Variants in VRK2 observed in about 807,000 individuals in gnomAD.
VRK2 encodes the protein serine/threonine-protein kinase VRK2.
Under a neutral mutation model 57.6 loss-of-function variants are expected in VRK2, and 60 were observed. That is an observed-to-expected ratio of 1.04 (90% CI 0.85 to 1.29). The LOEUF is 1.29. Among genes scored for constraint, VRK2 ranks in the 50% most tolerant of loss-of-function variants. The pLI, the probability that VRK2 is intolerant of heterozygous loss-of-function variation, is 0.00. For missense variants in VRK2, 705 were observed against 588.1 expected (o/e 1.20, Z -2.06); for synonymous variants, 231 against 199.2 (o/e 1.16, Z -1.35).
chr2:58,091,274 G>A (rs1045097480), intron 7 of VRK2, among the ~76,000 whole-genome samples: 2 of 152,112 alleles, frequency 1.3e-5, no homozygotes, highest in Middle Eastern at 3.2e-3. Context: ...CTCTAGTGAG[G>A]GATGTTGATA....
At chr2:58,157,722 A>G (rs185766854) in intron 12 of VRK2, among the ~76,000 whole-genome samples, 1 of 152,352 alleles carries the variant, frequency 6.6e-6, no homozygotes, top group East Asian at 1.9e-4. Flanking sequence ...TACTCGAAGA[A>G]TAATGCCGTA....
rs182338282 is a variant in VRK2, at chr2:57,972,200, G to T, written c.-438-53465G>T. Reference sequence around the variant, plus strand: ...GTTCATTACTATCAAGTTTGGCATTGTTTCTAGGCTTTTCAGTAGATAAAT... The same window carrying T: ...GTTCATTACTATCAAGTTTGGCATTTTTTCTAGGCTTTTCAGTAGATAAAT... On this transcript the variant is annotated intron_variant, in intron 1 of 15. Coordinates refer to the VRK2 transcript ENST00000417641. 2.8e-4 allele frequency among the ~76,000 whole-genome samples: 42 copies of T among 151,564 alleles called. 1 individual carries two copies. The East Asian group carries it at 7.8e-3, about 28-fold the overall frequency.
intron 1 of VRK2, among the ~76,000 whole-genome samples, chr2:58,017,656 G>A (rs1434512936): frequency 6.6e-6 from 1 of 151,968 alleles, no homozygotes; most frequent in Admixed American, 6.6e-5. Flanking sequence ...ATCCTAAAGT[G>A]GAAAGCTCCT....
chr2:58,048,472 A>T, intron 1 of VRK2: 1 of 997,074 alleles, frequency 1.0e-6, no homozygotes, highest in Non-Finnish European at 1.4e-6. Flanking sequence ...ATTTCCATGT[A>T]CATGAAATTT....
intron 1 of VRK2, among the ~76,000 whole-genome samples, chr2:57,912,322 G>C (rs1001763915): frequency 2.0e-5 from 3 of 152,194 alleles, no homozygotes; most frequent in African/African-American, 7.2e-5. Flanking sequence ...GACATGGCTG[G>C]TGGAGTCCAA....
chr2:58,065,297 A>G (rs1031092107), intron 2 of VRK2, among the ~76,000 whole-genome samples: 3 of 151,928 alleles, frequency 2.0e-5, no homozygotes, highest in African/African-American at 7.3e-5. Context: ...TTTACCCCTA[A>G]TCTCTGGCAG....
intron 1 of VRK2, among the ~76,000 whole-genome samples, chr2:57,942,345 G>T (rs1671125527): frequency 6.6e-6 from 1 of 152,194 alleles, no homozygotes; most frequent in Admixed American, 6.5e-5. Context: ...GACAAAATCA[G>T]CTAGTTGCCA....
chr2:58,146,203 C>G (rs992477301), intron 11 of VRK2, 113 bp from the exon 12 acceptor site: 3 of 931,906 alleles, frequency 3.2e-6, no homozygotes, highest in African/African-American at 3.4e-5. Flanking sequence ...CTCTTTATTT[C>G]CTTTTTTAAA....
At chr2:58,080,536 A>G (rs1235522604) in intron 2 of VRK2, among the ~76,000 whole-genome samples, 1 of 151,710 alleles carries the variant, frequency 6.6e-6, no homozygotes, top group Non-Finnish European at 1.5e-5. Context: ...TTTGAATTAC[A>G]TTTTTAGATG....
chr2:57,977,380 G>A (rs1479966435), intron 1 of VRK2, among the ~76,000 whole-genome samples: 1 of 151,952 alleles, frequency 6.6e-6, no homozygotes, highest in East Asian at 1.9e-4. Context: ...TATTTGTGTA[G>A]TCCCTGAGTT....
chr2:58,015,398 G>A (rs546713552), intron 1 of VRK2, among the ~76,000 whole-genome samples: 54 of 152,258 alleles, frequency 3.5e-4, no homozygotes, highest in Admixed American at 1.6e-3. Flanking sequence ...TCCTGGCTGT[G>A]GGACCATGGA....
intron 7 of VRK2, among the ~76,000 whole-genome samples, chr2:58,094,270 G>C (rs1672803771): frequency 1.3e-5 from 2 of 152,154 alleles, no homozygotes; most frequent in Non-Finnish European, 2.9e-5. Flanking sequence ...TGGCCATTCT[G>C]ATGATATTGA....
intron 1 of VRK2, among the ~76,000 whole-genome samples, chr2:57,989,536 T>G (rs1017687414): frequency 3.3e-5 from 5 of 152,172 alleles, no homozygotes; most frequent in Non-Finnish European, 5.9e-5. Flanking sequence ...AATAAAAATT[T>G]TGTTGTTTTC....
intron 12 of VRK2, among the ~76,000 whole-genome samples, chr2:58,150,727 C>CT (rs1682893889): frequency 6.6e-6 from 1 of 151,136 alleles, no homozygotes; most frequent in South Asian, 2.1e-4. Flanking sequence ...GTTTAAATCA[C>CT]TAATTTTTTC....
chr2:57,968,017 A>G (rs897793556), intron 1 of VRK2, among the ~76,000 whole-genome samples: 3 of 152,122 alleles, frequency 2.0e-5, no homozygotes, highest in Non-Finnish European at 4.4e-5. Flanking sequence ...CCATACTGAG[A>G]TAAGTTATAC....
intron 1 of VRK2, among the ~76,000 whole-genome samples, chr2:57,992,985 G>A (rs995508086): frequency 3.3e-5 from 5 of 152,122 alleles, no homozygotes; most frequent in Admixed American, 6.5e-5. Flanking sequence ...TCAACTCTTA[G>A]TACCTCGGTT....
Position 58,131,887 on chromosome 2 carries a change from GA to G in VRK2, c.758del (p.Asn253ThrfsTer2), listed in dbSNP as rs761696391. On this transcript the variant is annotated frameshift_variant, in exon 9 of 13. Coordinates refer to ENST00000340157, the MANE Select transcript of VRK2 (RefSeq NM_006296.7). LOFTEE classifies it high-confidence loss of function. ...TGTGTGGGAAACTTCCCTGGGAACA[GA>G]ACCTGAAGGACCCTGTGGCTGTGCA... ...WLCGKLPWEQNLKDPVAVQTA... is the reference protein window; with the variant it reads ...WLCGKLPWEQXLKDPVAVQTA... 8 of 1,613,966 alleles carry G rather than the reference GA, an allele frequency of 5.0e-6. No individual in the cohort carries two copies. Among genetic ancestry groups the G allele is most frequent in the South Asian group, 2.2e-5 (2 of 91,086 alleles).
At chr2:57,933,309 C>CTTTCT (rs1670794480) in intron 1 of VRK2, among the ~76,000 whole-genome samples, 1 of 63,320 alleles carries the variant, frequency 1.6e-5, no homozygotes, top group African/African-American at 7.6e-5. Flanking sequence ...CTTTCTTTTT[C>CTTTCT]TTTTTTTTTT....
At chr2:57,926,965 A>C (rs1670558455) in intron 1 of VRK2, among the ~76,000 whole-genome samples, 1 of 142,944 alleles carries the variant, frequency 7.0e-6, no homozygotes, top group Non-Finnish European at 1.5e-5. Context: ...CTTTTAGTGA[A>C]GGTAGTTTTC....
Sources: gnomAD v4.1 joint callset for allele counts (sites outside exome capture counted in the v4.1 genomes callset) on GRCh38, gnomAD v4.1.1 for gene constraint, MANE v1.5 for transcripts, NCBI Gene and HGNC (gene_info 2026-07-23, HGNC 2026-07-21) for gene names.